Variants in MSH3 observed in about 807,000 individuals in gnomAD.
MSH3 encodes the protein mutS homolog 3.
A neutral mutation model predicts 123.3 loss-of-function variants in MSH3; 106 were observed. The observed-to-expected ratio is 0.86, with a 90% CI of 0.73 to 1.01. The LOEUF is 1.01. MSH3 is among the 50% of genes least tolerant of loss of function. MSH3 has a pLI of 0.00. For synonymous variants in MSH3, 515 were observed against 481.4 expected (o/e 1.07, Z -0.91); for missense variants, 1,459 against 1,347.6 (o/e 1.08, Z -1.29).
At chr5:80,845,693 C>G (rs544372911) in intron 20 of MSH3, among the ~76,000 whole-genome samples, 3 of 152,104 alleles carry the variant, frequency 2.0e-5, no homozygotes, top group Admixed American at 6.5e-5. Context: ...TTGGTCAAAT[C>G]GGCTATTGAA....
Position 80,767,929 on chromosome 5 carries a change from T to TA in MSH3, c.1897-4_1897-3insA. ...TATTTCATAAAAAATATTTCTATTT[T>TA]CAGTGTTCTACCCAAGAGTTCTTCT... is the stretch of plus-strand genomic sequence containing the variant. On this transcript the variant is annotated splice_polypyrimidine_tract_variant and splice_region_variant and intron_variant, in intron 13 of 23. Transcript: ENST00000265081. 1 of 1,598,050 alleles carries TA rather than the reference T, an allele frequency of 6.3e-7. No homozygotes were observed. Among genetic ancestry groups the TA allele is most frequent in the Non-Finnish European group, 8.6e-7 (1 of 1,165,620 alleles).
intron 2 of MSH3, among the ~76,000 whole-genome samples, chr5:80,659,227 C>G (rs1013497109): frequency 7.7e-6 from 1 of 129,208 alleles, no homozygotes; most frequent in Non-Finnish European, 1.7e-5. Flanking sequence ...GAGTGAGATT[C>G]TGTCTCAAAA....
chr5:80,808,520 A>G (rs1279374190), intron 19 of MSH3, among the ~76,000 whole-genome samples: 1 of 152,102 alleles, frequency 6.6e-6, no homozygotes, highest in Non-Finnish European at 1.5e-5. Context: ...TTAGTGGTGG[A>G]TGGTGTCGGG....
At chr5:80,804,182 C>T (rs1028904178) in intron 19 of MSH3, among the ~76,000 whole-genome samples, 1 of 152,152 alleles carries the variant, frequency 6.6e-6, no homozygotes, top group Non-Finnish European at 1.5e-5. Context: ...TCTTCCAGTC[C>T]ATGCATGTGG....
chr5:80,869,847 C>CATATATACATATATAT (rs1561505410), intron 22 of MSH3, among the ~76,000 whole-genome samples: 7 of 125,998 alleles, frequency 5.6e-5, no homozygotes, highest in South Asian at 2.6e-4. Context: ...TATATACACA[C>CATATATACATATATAT]ACACACACAC....
At chr5:80,792,597 T>G in intron 18 of MSH3, 136 bp from the exon 19 acceptor site, 1 of 652,536 alleles carries the variant, frequency 1.5e-6, no homozygotes, top group Non-Finnish European at 2.8e-6. Context: ...TCTGGACATA[T>G]GTTCTTAAAA....
At chr5:80,811,600 G>T (rs1442651149) in intron 19 of MSH3, among the ~76,000 whole-genome samples, 1 of 152,090 alleles carries the variant, frequency 6.6e-6, no homozygotes, top group Non-Finnish European at 1.5e-5. Flanking sequence ...TTCTCTGGAA[G>T]AATTTTTGTA....
rs1324032838 is a variant in MSH3 at position 80,854,301 on chromosome 5, G to A, written c.2985G>A (p.Glu995=). 2.5e-6 allele frequency: 4 copies of A among 1,613,676 alleles called. No individual in the cohort carries two copies. The highest frequency in any genetic ancestry group is 2.5e-6 in the Non-Finnish European group (3 of 1,179,724). The change falls in exon 21 of 24, where the codon GAG becomes GAA. Residue 995 remains glutamate (E), a synonymous_variant. Coordinates refer to ENST00000265081, the MANE Select transcript of MSH3 (RefSeq NM_002439.5). ...DGIAIAYATL[E]YFIRDVKSLT... ...TTGCCATTGCCTATGCTACACTTGA[G>A]TATTTCATCAGAGATGTAAGTATCC...
At chr5:80,825,978 C>G (rs1363453208) in intron 20 of MSH3, among the ~76,000 whole-genome samples, 1 of 152,188 alleles carries the variant, frequency 6.6e-6, no homozygotes, top group Non-Finnish European at 1.5e-5. Flanking sequence ...CTCTTTAATT[C>G]CTTTTTGTCT....
At chr5:80,805,332 GAA>G (rs1744868140) in intron 19 of MSH3, among the ~76,000 whole-genome samples, 1 of 152,022 alleles carries the variant, frequency 6.6e-6, no homozygotes, top group South Asian at 2.1e-4. Context: ...AGGGGTGGTG[GAA>G]AAAACTTCTC....
At position 80,665,323 on chromosome 5, in the gene MSH3, C is replaced by A; in HGVS notation, c.539C>A (p.Ala180Glu). ...DDISLLHAKNAVSSEDSKRQI... is the reference protein window; with the variant it reads ...DDISLLHAKNEVSSEDSKRQI... ...ATCAGTCTTCTACACGCAAAGAATG[C>A]AGTTTCTTCTGAAGATTCGAAACGT... is the stretch of plus-strand genomic sequence containing the variant. Residue 180 changes from alanine (A) to glutamate (E), a missense_variant, in exon 3 of 24, where the codon GCA (alanine) becomes GAA (glutamate). Coordinates refer to ENST00000265081, the MANE Select transcript of MSH3 (RefSeq NM_002439.5). The A allele has an allele frequency of 6.2e-7, 1 of 1,613,280 alleles. No individual in the cohort carries two copies. Among genetic ancestry groups the A allele is most frequent in the Non-Finnish European group, 8.5e-7 (1 of 1,179,940 alleles).
At chr5:80,713,015 G>A (rs1046134609) in intron 8 of MSH3, among the ~76,000 whole-genome samples, 1 of 152,124 alleles carries the variant, frequency 6.6e-6, no homozygotes, top group African/African-American at 2.4e-5. Flanking sequence ...ACTCATCAGT[G>A]CTATTATTAC....
chr5:80,697,024 T>C (rs898841499), intron 8 of MSH3, among the ~76,000 whole-genome samples: 2 of 152,220 alleles, frequency 1.3e-5, no homozygotes, highest in Non-Finnish European at 2.9e-5. Flanking sequence ...ATTCTATCCC[T>C]TTTCTTGGCA....
At chr5:80,809,618 A>G (rs1034704908) in intron 19 of MSH3, among the ~76,000 whole-genome samples, 9 of 152,130 alleles carry the variant, frequency 5.9e-5, no homozygotes, top group Non-Finnish European at 1.2e-4. Flanking sequence ...TCCTTTAACA[A>G]TGCTGTCACA....
chr5:80,660,080 A>G (rs1445721662), intron 2 of MSH3, among the ~76,000 whole-genome samples: 1 of 152,138 alleles, frequency 6.6e-6, no homozygotes, highest in Non-Finnish European at 1.5e-5. Flanking sequence ...GTCCATTTTC[A>G]CACTGCTGAT....
In MSH3 at chr5:80,778,832, C is replaced by G; in HGVS notation, c.2431C>G (p.Leu811Val). 2 of 1,519,356 alleles carry G rather than the reference C, an allele frequency of 1.3e-6. No individual in the cohort carries two copies. Among genetic ancestry groups the G allele is most frequent in the Non-Finnish European group, 1.8e-6 (2 of 1,093,494 alleles). 94.1% of individuals were successfully genotyped at this position (1,519,356 alleles called of 1,614,324 possible). Residue 811 changes from leucine (L) to valine (V), a missense_variant, in exon 17 of 24, where the codon CTA becomes GTA. Leu to Val is a conservative substitution (Grantham distance 32). Coordinates refer to ENST00000265081, the MANE Select transcript of MSH3 (RefSeq NM_002439.5). ...LDCSAEWLDF[L>V]EKFSEHYHSL... ...CTGCAGTGCTGAATGGCTTGATTTT[C>G]TAGAGTGAGTTTACAATGAAAAAAT...
At chr5:80,753,441 G>C (rs555351154) in intron 12 of MSH3, among the ~76,000 whole-genome samples, 1 of 152,246 alleles carries the variant, frequency 6.6e-6, no homozygotes, top group Admixed American at 6.5e-5. Context: ...TTTTATGGGG[G>C]CCTACTCTCA....
At chr5:80,775,809 A>G (rs1181415519) in intron 16 of MSH3, 51 bp downstream of exon 16, 5 of 957,072 alleles carry the variant, frequency 5.2e-6, no homozygotes, top group South Asian at 1.3e-5. Flanking sequence ...TGACATCTGT[A>G]TATCTATGTG....
chr5:80,813,043 G>A (rs555352617), intron 19 of MSH3, among the ~76,000 whole-genome samples: 2 of 152,322 alleles, frequency 1.3e-5, no homozygotes, highest in East Asian at 1.9e-4. Flanking sequence ...TTAAGTTGTT[G>A]CAAGAGTTAC....
Sources: gnomAD v4.1 joint callset for allele counts (sites outside exome capture counted in the v4.1 genomes callset) on GRCh38, gnomAD v4.1.1 for gene constraint, MANE v1.5 for transcripts, NCBI Gene and HGNC (gene_info 2026-07-23, HGNC 2026-07-21) for gene names.